The following ZDHHC5 variants were observed in gnomAD, a reference collection of about 807,000 sequenced individuals.
The protein encoded by ZDHHC5 is zDHHC palmitoyltransferase 5.
ZDHHC5 carries 22 observed loss-of-function variants against 70.0 expected under a neutral mutation model. That is an observed-to-expected ratio of 0.31 (90% CI 0.22 to 0.45). The LOEUF is 0.45. ZDHHC5 is among the 20% of genes least tolerant of loss of function. The pLI is 1.00. For missense variants in ZDHHC5, 746 were observed against 926.9 expected (o/e 0.80, Z 2.53); for synonymous variants, 313 against 347.8 (o/e 0.90, Z 1.11).
chr11:57,693,428 G>T (rs1177988713), intron 7 of ZDHHC5, among the ~76,000 whole-genome samples: 1 of 152,196 alleles, frequency 6.6e-6, no homozygotes, highest in Non-Finnish European at 1.5e-5. Flanking sequence ...GTTCCTAACA[G>T]GCCATGAACC....
rs1946259999 is a variant in ZDHHC5, at chr11:57,689,893, G to A, written c.385-138G>A. The A allele has an allele frequency of 3.4e-6, 4 of 1,187,728 alleles. No individual in the cohort carries two copies. The South Asian group carries it at 6.0e-5, about 18-fold the overall frequency. 73.6% of individuals were successfully genotyped at this position (1,187,728 alleles called of 1,614,324 possible). A position where few individuals can be genotyped will look rare whatever the true frequency, so the allele number is the denominator to read the frequency against. On this transcript the variant is annotated intron_variant, in intron 4 of 11. Coordinates refer to ENST00000287169, the MANE Select transcript of ZDHHC5 (RefSeq NM_015457.3). ...AAGGTCTCCCTTGCAGATTTATAGA[G>A]CAAAATAAACTGGATTTAATTTTGA...
chr11:57,693,248 A>G (rs1222377090), intron 7 of ZDHHC5, among the ~76,000 whole-genome samples: 1 of 152,208 alleles, frequency 6.6e-6, no homozygotes, highest in Non-Finnish European at 1.5e-5. Context: ...CAGAGGTTGC[A>G]GTGAGCTCAG....
At chr11:57,684,696 G>T (rs1946188755) in intron 3 of ZDHHC5, among the ~76,000 whole-genome samples, 2 of 152,178 alleles carry the variant, frequency 1.3e-5, no homozygotes, top group Non-Finnish European at 2.9e-5. Context: ...AATAGGAGGG[G>T]AGAGAACCAT....
intron 6 of ZDHHC5, 45 bp downstream of exon 6, chr11:57,690,482 C>T (rs778833087): frequency 6.3e-7 from 1 of 1,596,252 alleles, no homozygotes; most frequent in African/African-American, 1.3e-5. Context: ...CAGGTCATGT[C>T]TCTTTAGCCT....
At chr11:57,692,011 C>T (rs1946291531) in intron 6 of ZDHHC5, among the ~76,000 whole-genome samples, 1 of 151,004 alleles carries the variant, frequency 6.6e-6, no homozygotes, top group Non-Finnish European at 1.5e-5. Flanking sequence ...TTTTTTGAGA[C>T]AGAGTATCGC....
rs1590873520 is a variant in ZDHHC5, at chr11:57,698,796, A to C, written c.1360A>C (p.Thr454Pro). The C allele has an allele frequency of 6.2e-7, 1 of 1,614,044 alleles. No homozygotes were observed. The highest frequency in any genetic ancestry group is 8.5e-7 in the Non-Finnish European group (1 of 1,180,004). Residue 454 changes from threonine (T) to proline (P), a missense_variant, in exon 11 of 12, where the codon ACC (threonine) becomes CCC (proline). Around this residue, in one of 6 missense-constraint regions of ZDHHC5, gnomAD observed 340 missense variants for 350.1 expected, o/e 0.97. Transcript: ENST00000287169. ...QSIRSEGTTS[T>P]SYKSLANQTR... is the part of the protein sequence containing the mutation. ...CATTCGTTCAGAGGGCACCACCTCC[A>C]CCTCCTATAAGAGCCTGGCCAACCA...
intron 2 of ZDHHC5, among the ~76,000 whole-genome samples, chr11:57,675,663 A>C (rs1291650560): frequency 6.6e-6 from 1 of 151,998 alleles, no homozygotes; most frequent in African/African-American, 2.4e-5. Flanking sequence ...TCCCCTAGTC[A>C]CCTTGTGGGG....
chr11:57,698,026 T>C (rs1041278994), intron 10 of ZDHHC5, among the ~76,000 whole-genome samples: 3 of 151,552 alleles, frequency 2.0e-5, no homozygotes, highest in Admixed American at 1.3e-4. Flanking sequence ...TCCCAGCTAC[T>C]CGGGAAGCTG....
intron 2 of ZDHHC5, among the ~76,000 whole-genome samples, chr11:57,676,813 A>G (rs1946076964): frequency 6.6e-6 from 1 of 151,870 alleles, no homozygotes; most frequent in Admixed American, 6.6e-5. Context: ...TCTTGTTTAA[A>G]GTCTCATCAA....
At chr11:57,676,302 C>T (rs1466101151) in intron 2 of ZDHHC5, among the ~76,000 whole-genome samples, 5 of 152,214 alleles carry the variant, frequency 3.3e-5, no homozygotes, top group Non-Finnish European at 7.3e-5. Context: ...TTGTCCAGCA[C>T]TAAAACTAAG....
intron 5 of ZDHHC5, 54 bp downstream of exon 5, chr11:57,690,257 T>TA (rs1162335476): frequency 6.2e-7 from 1 of 1,613,508 alleles, no homozygotes. Flanking sequence ...GAATGAGGGC[T>TA]AAAGGGAAAA....
chr11:57,694,650 C>T (rs548467747), intron 8 of ZDHHC5, among the ~76,000 whole-genome samples: 1 of 152,332 alleles, frequency 6.6e-6, no homozygotes, highest in African/African-American at 2.4e-5. Flanking sequence ...GTGTGAGCCA[C>T]TGCACCCGGC....
intron 10 of ZDHHC5, among the ~76,000 whole-genome samples, chr11:57,697,358 G>A (rs897055896): frequency 1.3e-5 from 2 of 152,136 alleles, no homozygotes; most frequent in Non-Finnish European, 2.9e-5. Context: ...AGCTACTCGG[G>A]AGGCTGAGCC....
chr11:57,693,030 C>T (rs1054024380), intron 7 of ZDHHC5, among the ~76,000 whole-genome samples: 1 of 151,956 alleles, frequency 6.6e-6, no homozygotes, highest in Non-Finnish European at 1.5e-5. Flanking sequence ...ATTAGATTCT[C>T]ATGGCTGGGT....
chr11:57,684,316 G>A (rs1946184363), intron 3 of ZDHHC5, among the ~76,000 whole-genome samples: 1 of 152,194 alleles, frequency 6.6e-6, no homozygotes, highest in South Asian at 2.1e-4. Flanking sequence ...GGGCACAGTG[G>A]TTCATGCCTG....
intron 2 of ZDHHC5, chr11:57,681,668 A>G (rs1483830349): frequency 6.6e-6 from 1 of 152,158 alleles, no homozygotes; most frequent in Non-Finnish European, 1.5e-5. Flanking sequence ...ACCTTAAAGC[A>G]TATCTTGAGT....
intron 10 of ZDHHC5, 141 bp from the exon 11 acceptor site, chr11:57,698,418 G>A: frequency 2.5e-6 from 3 of 1,192,042 alleles, no homozygotes; most frequent in Non-Finnish European, 3.5e-6. Flanking sequence ...TTTTTCTTGA[G>A]GGATTAACCC....
chr11:57,692,809 CTCTA>C, intron 7 of ZDHHC5, 107 bp downstream of exon 7: 1 of 1,131,620 alleles, frequency 8.8e-7, no homozygotes, highest in South Asian at 1.5e-5. Flanking sequence ...AGGAAGGGTT[CTCTA>C]TCTTAGAATG....
At chr11:57,692,932 C>T (rs537941979) in intron 7 of ZDHHC5, among the ~76,000 whole-genome samples, 33 of 152,174 alleles carry the variant, frequency 2.2e-4, no homozygotes, top group Non-Finnish European at 4.3e-4. Flanking sequence ...GCAGCAGGGA[C>T]CGGTTTCATG....
Sources: allele counts gnomAD v4.1 joint callset (sites outside exome capture counted in the v4.1 genomes callset), GRCh38; gene constraint gnomAD v4.1.1; regional missense constraint gnomAD v4.1.1; transcripts MANE v1.5; gene names NCBI Gene and HGNC (gene_info 2026-07-23, HGNC 2026-07-21).